The following SDK1 variants were observed in gnomAD, a reference collection of about 807,000 sequenced individuals.
SDK1 encodes sidekick cell adhesion molecule 1, also known as protein sidekick-1.
In SDK1, 157 loss-of-function variants were observed where a neutral mutation model predicts 245.5. The observed-to-expected ratio is 0.64, with a 90% CI of 0.56 to 0.73. SDK1 has a LOEUF of 0.73. Among genes scored for constraint, SDK1 ranks in the 30% least tolerant of loss-of-function variants. SDK1 has a pLI of 0.00. For missense variants in SDK1, 3,583 were observed against 3,002.3 expected, an observed-to-expected ratio of 1.19 and a Z score of -4.52; for synonymous variants, 1,647 against 1,278.5, an observed-to-expected ratio of 1.29 and a Z score of -6.15.
At chr7:3,764,519 C>T (rs750325165) in intron 4 of SDK1, among the ~76,000 whole-genome samples, 6 of 152,088 alleles carry the variant, frequency 3.9e-5, no homozygotes, top group Admixed American at 1.3e-4. Context: ...AATCCCGCCT[C>T]TACTAATAAT....
rs140007417 is a variant in SDK1 at position 3,568,597 on chromosome 7, A to G, written c.299-50483A>G. Among the ~76,000 whole-genome samples, 65 of 152,246 alleles carry G rather than the reference A, an allele frequency of 4.3e-4. 1 individual carries two copies. The East Asian group carries it at 0.012, about 29-fold the overall frequency. ...ATTTAAAATGTCTCCAAGGTTATTG[A>G]TCACTACATTCTAGAGGACCTCAGA... On this transcript the variant is annotated intron_variant, in intron 1 of 44. Coordinates refer to ENST00000404826, the MANE Select transcript of SDK1 (RefSeq NM_152744.4).
chr7:3,482,135 C>G (rs986317815), intron 1 of SDK1, among the ~76,000 whole-genome samples: 3 of 152,202 alleles, frequency 2.0e-5, no homozygotes, highest in Non-Finnish European at 4.4e-5. Context: ...TAGGGTAATA[C>G]TGGTGTGTAA....
chr7:4,120,712 G>T (rs895593140), intron 25 of SDK1, among the ~76,000 whole-genome samples: 8 of 151,928 alleles, frequency 5.3e-5, no homozygotes, highest in South Asian at 2.1e-4. Flanking sequence ...TGCCTCCTGG[G>T]TGCAAGCGAT....
chr7:3,445,154 G>T (rs985774388), intron 1 of SDK1, among the ~76,000 whole-genome samples: 2 of 152,028 alleles, frequency 1.3e-5, no homozygotes, highest in Non-Finnish European at 2.9e-5. Context: ...CCTACTAGCT[G>T]CATTTATATT....
At chr7:3,456,906 T>C (rs1035509096) in intron 1 of SDK1, among the ~76,000 whole-genome samples, 1 of 152,348 alleles carries the variant, frequency 6.6e-6, no homozygotes, top group East Asian at 1.9e-4. Context: ...GTGGTTCCAA[T>C]GAGACCTCAA....
intron 1 of SDK1, among the ~76,000 whole-genome samples, chr7:3,365,993 T>G (rs984385287): frequency 3.3e-5 from 5 of 151,840 alleles, no homozygotes; most frequent in African/African-American, 1.2e-4. Flanking sequence ...GAGCCGAGAT[T>G]GTGCCATTGC....
chr7:3,782,291 A>C (rs1780770718), intron 4 of SDK1, among the ~76,000 whole-genome samples: 1 of 152,200 alleles, frequency 6.6e-6, no homozygotes, highest in African/African-American at 2.4e-5. Flanking sequence ...ACTCCTTCTA[A>C]CAACCAGATC....
chr7:3,570,305 G>A (rs1249718134), intron 1 of SDK1, among the ~76,000 whole-genome samples: 2 of 152,146 alleles, frequency 1.3e-5, no homozygotes, highest in African/African-American at 4.8e-5. Flanking sequence ...GTGCACCCTA[G>A]ATCCCTCACG....
At chr7:4,239,218 C>T (rs1786372736) in intron 42 of SDK1, among the ~76,000 whole-genome samples, 1 of 152,290 alleles carries the variant, frequency 6.6e-6, no homozygotes, top group African/African-American at 2.4e-5. Context: ...AGAGCACAGA[C>T]CTTGTGACTC....
intron 14 of SDK1, among the ~76,000 whole-genome samples, chr7:4,003,013 C>T (rs1456902080): frequency 2.0e-5 from 3 of 152,234 alleles, no homozygotes; most frequent in Non-Finnish European, 4.4e-5. Context: ...ACCCCATGGG[C>T]ATCAGGCCCC....
chr7:3,405,576 C>T, intron 1 of SDK1, among the ~76,000 whole-genome samples: 1 of 152,086 alleles, frequency 6.6e-6, no homozygotes, highest in Middle Eastern at 3.2e-3. Context: ...CCTTTGAAAG[C>T]TTTTGGGTTT....
chr7:3,417,468 C>T (rs1779407172), intron 1 of SDK1, among the ~76,000 whole-genome samples: 1 of 152,138 alleles, frequency 6.6e-6, no homozygotes, highest in South Asian at 2.1e-4. Flanking sequence ...CTCTCTCTTA[C>T]TTGCTGCTTT....
intron 3 of SDK1, among the ~76,000 whole-genome samples, chr7:3,641,445 T>C (rs1053239474): frequency 6.6e-5 from 10 of 152,024 alleles, no homozygotes; most frequent in African/African-American, 2.4e-4. Flanking sequence ...GGGAGAATAG[T>C]ATATAGACTC....
At chr7:3,933,289 T>C (rs1302858724) in intron 5 of SDK1, among the ~76,000 whole-genome samples, 1 of 151,866 alleles carries the variant, frequency 6.6e-6, no homozygotes, top group African/African-American at 2.4e-5. Flanking sequence ...TTAAAAAAAA[T>C]GTTTCTAGAT....
intron 5 of SDK1, among the ~76,000 whole-genome samples, chr7:3,852,945 G>T (rs1219722048): frequency 6.6e-6 from 1 of 151,782 alleles, no homozygotes; most frequent in East Asian, 1.9e-4. Flanking sequence ...TTACCTTATG[G>T]TCAAACTAAT....
At chr7:3,767,168 A>C (rs929388258) in intron 4 of SDK1, among the ~76,000 whole-genome samples, 1 of 152,140 alleles carries the variant, frequency 6.6e-6, no homozygotes, top group Non-Finnish European at 1.5e-5. Flanking sequence ...AACTTCACAC[A>C]CTGGAGGGCT....
At chr7:3,981,780 T>G (rs1049683063) in intron 13 of SDK1, among the ~76,000 whole-genome samples, 5 of 152,138 alleles carry the variant, frequency 3.3e-5, no homozygotes, top group Admixed American at 2.0e-4. Context: ...GAAGAAAAAT[T>G]GGAAGCTAGC....
chr7:3,511,293 A>G (rs1173352253), intron 1 of SDK1, among the ~76,000 whole-genome samples: 1 of 152,196 alleles, frequency 6.6e-6, no homozygotes, highest in Non-Finnish European at 1.5e-5. Flanking sequence ...CTTTCTTTTT[A>G]GATGCAGAAT....
chr7:3,834,007 C>T (rs551182499), intron 5 of SDK1, among the ~76,000 whole-genome samples: 1 of 152,112 alleles, frequency 6.6e-6, no homozygotes. Flanking sequence ...ATCATCTCAA[C>T]CTGGAAGGAT....
Sources: allele counts gnomAD v4.1 joint callset (sites outside exome capture counted in the v4.1 genomes callset), GRCh38; gene constraint gnomAD v4.1.1; transcripts MANE v1.5; gene names NCBI Gene and HGNC (gene_info 2026-07-23, HGNC 2026-07-21).